The following PGCKA1 variants were observed in gnomAD, a reference collection of about 807,000 sequenced individuals.
The protein encoded by PGCKA1 is PDCD10 and GCKIII kinases-associated protein 1.
chr4:37,540,765 T>C, the PGCKA1 span, among the ~76,000 whole-genome samples: 1 of 151,954 alleles, frequency 6.6e-6, no homozygotes, highest in Non-Finnish European at 1.5e-5. Flanking sequence ...TTGCTTTCTA[T>C]TCAGATATTG....
chr4:37,482,657 C>T, the PGCKA1 span, among the ~76,000 whole-genome samples: 7 of 152,132 alleles, frequency 4.6e-5, no homozygotes, highest in African/African-American at 1.4e-4. Context: ...ATGTTAATCA[C>T]CAAGACAATG....
chr4:37,481,429 C>T, the PGCKA1 span, among the ~76,000 whole-genome samples: 1 of 103,238 alleles, frequency 9.7e-6, no homozygotes. Context: ...CGCACCACTG[C>T]ACTCCAGCCT....
chr4:37,528,059 C>T, the PGCKA1 span, among the ~76,000 whole-genome samples: 4 of 152,284 alleles, frequency 2.6e-5, no homozygotes, highest in East Asian at 7.7e-4. Flanking sequence ...AACATAAATA[C>T]TGATATCTGG....
the PGCKA1 span, among the ~76,000 whole-genome samples, chr4:37,490,632 G>T: frequency 6.6e-6 from 1 of 152,062 alleles, no homozygotes; most frequent in Non-Finnish European, 1.5e-5. Context: ...GGTCTCTCCC[G>T]GCTTCTCCTC....
At chr4:37,477,948 A>T in the PGCKA1 span, among the ~76,000 whole-genome samples, 2 of 152,126 alleles carry the variant, frequency 1.3e-5, no homozygotes, top group Admixed American at 6.5e-5. Context: ...AGGTTGGAAA[A>T]TCTGATTTTA....
At chr4:37,455,283 A>C in the PGCKA1 span, among the ~76,000 whole-genome samples, 1 of 152,238 alleles carries the variant, frequency 6.6e-6, no homozygotes, top group Non-Finnish European at 1.5e-5. Context: ...TACTGGTCCC[A>C]GCTGTGAAAC....
At chr4:37,546,768 A>C in the PGCKA1 span, among the ~76,000 whole-genome samples, 3 of 152,034 alleles carry the variant, frequency 2.0e-5, no homozygotes, top group Non-Finnish European at 4.4e-5. Context: ...CCTGCAGGGG[A>C]CTCCAGCCAG....
the PGCKA1 span, among the ~76,000 whole-genome samples, chr4:37,471,661 G>A: frequency 6.6e-6 from 1 of 152,142 alleles, no homozygotes; most frequent in African/African-American, 2.4e-5. Context: ...GATCAAAGAG[G>A]TATATAATAT....
At chr4:37,568,198 T>A in the PGCKA1 span, among the ~76,000 whole-genome samples, 2 of 152,192 alleles carry the variant, frequency 1.3e-5, no homozygotes, top group African/African-American at 4.8e-5. Context: ...AGTGGTATGA[T>A]TCCAGAGGGT....
At chr4:37,539,048 A>G in the PGCKA1 span, among the ~76,000 whole-genome samples, 2 of 152,146 alleles carry the variant, frequency 1.3e-5, no homozygotes, top group Admixed American at 1.3e-4. Flanking sequence ...TCGCACCTGA[A>G]TGTGTGTTTG....
At chr4:37,521,842 A>G in the PGCKA1 span, among the ~76,000 whole-genome samples, 1 of 152,192 alleles carries the variant, frequency 6.6e-6, no homozygotes, top group African/African-American at 2.4e-5. Context: ...CGCTAATAAT[A>G]TTTGTTTTGT....
At chr4:37,527,449 C>T in the PGCKA1 span, among the ~76,000 whole-genome samples, 1 of 152,126 alleles carries the variant, frequency 6.6e-6, no homozygotes, top group Non-Finnish European at 1.5e-5. Flanking sequence ...GGTAAGTGCC[C>T]TATCTAGGTG....
chr4:37,537,745 A>G, the PGCKA1 span, among the ~76,000 whole-genome samples: 1 of 152,178 alleles, frequency 6.6e-6, no homozygotes, highest in Non-Finnish European at 1.5e-5. Flanking sequence ...TGCATCCACC[A>G]TACTGAAGAC....
the PGCKA1 span, among the ~76,000 whole-genome samples, chr4:37,544,689 G>A: frequency 6.6e-6 from 1 of 151,614 alleles, no homozygotes; most frequent in East Asian, 1.9e-4. Flanking sequence ...TTTCAGTTTG[G>A]GGGAACAAGT....
chr4:37,541,254 C>A, the PGCKA1 span, among the ~76,000 whole-genome samples: 245 of 152,282 alleles, frequency 1.6e-3, 3 homozygotes, highest in Non-Finnish European at 2.6e-3. Context: ...ACAAACCTTC[C>A]CTTCCTCCCA....
chr4:37,536,632 A>G, the PGCKA1 span, among the ~76,000 whole-genome samples: 2 of 152,328 alleles, frequency 1.3e-5, no homozygotes, highest in South Asian at 4.1e-4. Context: ...TATCCTGTAG[A>G]GATGGAGTCA....
chr4:37,496,823 A>T, the PGCKA1 span, among the ~76,000 whole-genome samples: 1 of 152,164 alleles, frequency 6.6e-6, no homozygotes, highest in East Asian at 1.9e-4. Context: ...CTCCCTGATC[A>T]TCTGTATTCC....
the PGCKA1 span, among the ~76,000 whole-genome samples, chr4:37,582,877 T>G: frequency 6.6e-6 from 1 of 152,230 alleles, no homozygotes; most frequent in African/African-American, 2.4e-5. Context: ...CACCCACTAG[T>G]CCTACCATCC....
the PGCKA1 span, among the ~76,000 whole-genome samples, chr4:37,549,074 G>T: frequency 6.6e-6 from 1 of 152,170 alleles, no homozygotes; most frequent in Non-Finnish European, 1.5e-5. Flanking sequence ...AGACCCGAGG[G>T]CCATCCAGCC....
Sources: allele counts gnomAD v4.1 joint callset (sites outside exome capture counted in the v4.1 genomes callset), GRCh38; gene constraint gnomAD v4.1.1; transcripts MANE v1.5; gene names NCBI Gene and HGNC (gene_info 2026-07-23, HGNC 2026-07-21).